The following SP1 variants were observed in gnomAD, a reference collection of about 807,000 sequenced individuals.
SP1 encodes transcription factor Sp1.
A neutral mutation model predicts 66.3 loss-of-function variants in SP1; 6 were observed. That is an observed-to-expected ratio of 0.09 (90% CI 0.05 to 0.18). The LOEUF (loss-of-function observed/expected upper bound fraction) is 0.18. Among genes scored for constraint, SP1 ranks in the 10% least tolerant of loss-of-function variants. SP1 has a pLI of 1.00. For missense variants in SP1, 848 were observed against 964.5 expected, an observed-to-expected ratio of 0.88 and a Z score of 1.60; for synonymous variants, 417 against 360.8, an observed-to-expected ratio of 1.16 and a Z score of -1.77.
chr12:53,402,940 T>A (rs1179113936), intron 3 of SP1, among the ~76,000 whole-genome samples: 1 of 149,216 alleles, frequency 6.7e-6, no homozygotes, highest in Non-Finnish European at 1.5e-5. Context: ...GCCACTGCAC[T>A]CCAGCCTGGG....
chr12:53,383,628 A>G lies in SP1; in HGVS notation c.1675+6A>G, dbSNP rs2136889359. 1 of 1,592,538 alleles carries G rather than the reference A, an allele frequency of 6.3e-7. No individual in the cohort carries two copies. The highest frequency in any genetic ancestry group is 2.2e-5 in the East Asian group (1 of 44,668). On this transcript the variant is annotated splice_donor_region_variant and intron_variant, in intron 3 of 5. Transcript: ENST00000327443. ...GGCTATAGCAAATGCCCCAGGTAAG[A>G]TTTCCAATCTTGTGCATTTATTGGG...
Position 53,380,184 on chromosome 12 carries a change from C to A in SP1, c.-108C>A, listed in dbSNP as rs967404295. 4 of 769,924 alleles carry A rather than the reference C, an allele frequency of 5.2e-6. No individual in the cohort carries two copies. Among genetic ancestry groups the A allele is most frequent in the African/African-American group, 1.7e-5 (1 of 58,098 alleles). 47.7% of individuals were successfully genotyped at this position (769,924 alleles called of 1,614,324 possible). ...GCTGCTCCCTCCTCCTTACCCCCCC[C>A]TCCCTGTCCGGTCCGGGTTCGCTTG... On this transcript the variant is annotated 5_prime_UTR_variant, in exon 1 of 6. Coordinates refer to ENST00000327443, the MANE Select transcript of SP1 (RefSeq NM_138473.3).
At chr12:53,387,356 T>C (rs1379313477) in intron 3 of SP1, among the ~76,000 whole-genome samples, 1 of 152,220 alleles carries the variant, frequency 6.6e-6, no homozygotes, top group African/African-American at 2.4e-5. Flanking sequence ...GGGTAGCAAA[T>C]AGGCAACCAT....
intron 3 of SP1, among the ~76,000 whole-genome samples, chr12:53,402,464 C>T (rs1938628200): frequency 6.6e-6 from 1 of 151,214 alleles, no homozygotes; most frequent in Non-Finnish European, 1.5e-5. Context: ...CCTCATGATC[C>T]ACCCGCCTCG....
In SP1 at chr12:53,411,382, A is replaced by C; in HGVS notation, c.*142A>C. 1 of 660,350 alleles carries C rather than the reference A, an allele frequency of 1.5e-6. No homozygotes were observed. The highest frequency in any genetic ancestry group is 2.5e-6 in the Non-Finnish European group (1 of 399,282). The allele number at this position is 660,350 out of a possible 1,614,324, so 40.9% of individuals were successfully genotyped here. A position where few individuals can be genotyped will look rare whatever the true frequency, so the allele number is the denominator to read the frequency against. On this transcript the variant is annotated 3_prime_UTR_variant, in exon 6 of 6. Coordinates refer to ENST00000327443, the MANE Select transcript of SP1 (RefSeq NM_138473.3). ...TTGAGAAGAATCAGGAGAGGGATAC[A>C]AGAGAGGAGATGGGGTCCCGGCACC...
rs1406735252 is a variant in SP1 at position 53,406,768 on chromosome 12, C to A, written c.1844+15C>A. ...AGTGAAGGAAGGTGAGTTGACCCAG[C>A]CAGTTTCTTACAAATATAAAGAAAA... On this transcript the variant is annotated intron_variant, in intron 4 of 5. Coordinates refer to ENST00000327443, the MANE Select transcript of SP1 (RefSeq NM_138473.3). 5.6e-6 allele frequency: 9 copies of A among 1,595,482 alleles called. No individual in the cohort carries two copies. In the Admixed American group the frequency reaches 1.3e-4, roughly 22 times the overall value.
At chr12:53,383,916 A>C (rs148711374) in intron 3 of SP1, among the ~76,000 whole-genome samples, 2,660 of 152,156 alleles carry the variant, frequency 0.017, 20 homozygotes, top group Non-Finnish European at 0.025. Flanking sequence ...GTAAAGGGCC[A>C]GATAGTAACG....
intron 3 of SP1, among the ~76,000 whole-genome samples, chr12:53,395,283 T>C (rs1938460762): frequency 6.6e-6 from 1 of 152,042 alleles, no homozygotes; most frequent in Non-Finnish European, 1.5e-5. Flanking sequence ...GAATTTGCAG[T>C]GAGTTGAGAC....
At chr12:53,407,387 G>T (rs186974919) in intron 4 of SP1, among the ~76,000 whole-genome samples, 2 of 151,588 alleles carry the variant, frequency 1.3e-5, no homozygotes. Context: ...GAGTGCAGTG[G>T]CACATTCTTG....
intron 3 of SP1, among the ~76,000 whole-genome samples, chr12:53,397,589 C>CTTTTTTTTTT (rs764088852): frequency 2.7e-5 from 2 of 74,228 alleles, no homozygotes; most frequent in African/African-American, 1.0e-4. Context: ...CTTTTTTTTT[C>CTTTTTTTTTT]TTTTTTTTTT....
At chr12:53,408,382 A>G (rs1938799298) in intron 4 of SP1, among the ~76,000 whole-genome samples, 1 of 150,768 alleles carries the variant, frequency 6.6e-6, no homozygotes, top group African/African-American at 2.4e-5. Flanking sequence ...GATTACAGGC[A>G]TGTGCCACCA....
chr12:53,394,298 A>G (rs1387112931), intron 3 of SP1, among the ~76,000 whole-genome samples: 1 of 111,378 alleles, frequency 9.0e-6, no homozygotes. Context: ...TGTGTAGATC[A>G]TTTGCCTTAA....
chr12:53,411,322 G>C lies in SP1; in HGVS notation c.*82G>C. 3 of 1,136,670 alleles carry C rather than the reference G, an allele frequency of 2.6e-6. No individual in the cohort carries two copies. Among genetic ancestry groups the C allele is most frequent in the Non-Finnish European group, 3.8e-6 (3 of 790,890 alleles). 70.4% of individuals were successfully genotyped at this position (1,136,670 alleles called of 1,614,324 possible). ...AGGTAGCATGGGTCCAAGAGACATGGAAGAGAGAGCCATGAAGCATTAAAA... is the reference window on the plus strand; with the variant it reads ...AGGTAGCATGGGTCCAAGAGACATGCAAGAGAGAGCCATGAAGCATTAAAA... On this transcript the variant is annotated 3_prime_UTR_variant, in exon 6 of 6. Coordinates refer to ENST00000327443, the MANE Select transcript of SP1 (RefSeq NM_138473.3).
At chr12:53,406,496 GA>G in intron 3 of SP1, 88 bp from the exon 4 acceptor site, 4 of 1,130,384 alleles carry the variant, frequency 3.5e-6, no homozygotes, top group Non-Finnish European at 5.2e-6. Flanking sequence ...CAGTTCAAAA[GA>G]AATGATGTTG....
chr12:53,409,117 C>T (rs940358871), intron 4 of SP1, among the ~76,000 whole-genome samples: 3 of 151,628 alleles, frequency 2.0e-5, no homozygotes, highest in Non-Finnish European at 4.4e-5. Flanking sequence ...CCCAGCTACT[C>T]GGGAGGCTGA....
At chr12:53,381,860 A>G (rs1304033707) in intron 2 of SP1, 47 bp downstream of exon 2, 1 of 1,565,184 alleles carries the variant, frequency 6.4e-7, no homozygotes, top group Non-Finnish European at 8.7e-7. Flanking sequence ...AGATGTAAAT[A>G]TTCTTAGATA....
chr12:53,397,869 C>T (rs1018404042), intron 3 of SP1, among the ~76,000 whole-genome samples: 1 of 152,058 alleles, frequency 6.6e-6, no homozygotes, highest in Non-Finnish European at 1.5e-5. Flanking sequence ...TAATCTTTTA[C>T]TTGTATCCTA....
chr12:53,408,932 A>G (rs1227992715), intron 4 of SP1, among the ~76,000 whole-genome samples: 3 of 149,978 alleles, frequency 2.0e-5, no homozygotes, highest in African/African-American at 7.5e-5. Flanking sequence ...CAAAAAAAAG[A>G]AGCCTTGGTC....
intron 3 of SP1, among the ~76,000 whole-genome samples, chr12:53,386,896 A>C (rs935666117): frequency 6.6e-6 from 1 of 151,780 alleles, no homozygotes; most frequent in African/African-American, 2.4e-5. Context: ...AAATACGGAA[A>C]ATAGTTTAAT....
Sources: gnomAD v4.1 joint callset for allele counts (sites outside exome capture counted in the v4.1 genomes callset) on GRCh38, gnomAD v4.1.1 for gene constraint, MANE v1.5 for transcripts, NCBI Gene and HGNC (gene_info 2026-07-23, HGNC 2026-07-21) for gene names.